Variants in CLEC9A observed in about 807,000 individuals in gnomAD.
The protein encoded by CLEC9A is C-type lectin domain family 9 member A.
A neutral mutation model predicts 30.0 loss-of-function variants in CLEC9A; 24 were observed. The observed-to-expected ratio is 0.80, with a 90% confidence interval of 0.58 to 1.13. The LOEUF (loss-of-function observed/expected upper bound fraction) is 1.13. Ranked by LOEUF, CLEC9A falls within the 50% of genes most tolerant of loss-of-function variation. The pLI is 0.00. For synonymous variants in CLEC9A, 111 were observed against 96.8 expected (o/e 1.15, Z -0.86); for missense variants, 251 against 280.9 (o/e 0.89, Z 0.76).
chr12:10,031,839 C>G (rs1865699750), intron 1 of CLEC9A, among the ~76,000 whole-genome samples: 1 of 151,966 alleles, frequency 6.6e-6, no homozygotes, highest in South Asian at 2.1e-4. Flanking sequence ...GTGAGCCGCC[C>G]GATGCTGTCA....
At chr12:10,053,178 A>C (rs1463046662) in intron 4 of CLEC9A, among the ~76,000 whole-genome samples, 1 of 152,342 alleles carries the variant, frequency 6.6e-6, no homozygotes, top group East Asian at 1.9e-4. Context: ...GTTGTTGGCT[A>C]TAGTGATTAG....
chr12:10,043,236 G>T, intron 2 of CLEC9A: 2 of 362,442 alleles, frequency 5.5e-6, no homozygotes, highest in Non-Finnish European at 1.1e-5. Flanking sequence ...AGCCAGGACT[G>T]GTTTAATTCA....
At position 10,054,140 on chromosome 12, in the gene CLEC9A, C is replaced by G; in HGVS notation, c.92-131C>G. ...TCTTTTTCCTTTTCTTTTACACATC[C>G]CAGGCCCCAACAACTCTCAGTAGAA... On this transcript the variant is annotated intron_variant, in intron 4 of 8. Coordinates refer to ENST00000355819, the MANE Select transcript of CLEC9A (RefSeq NM_207345.4). 1.2e-5 allele frequency: 9 copies of G among 726,434 alleles called. No individual in the cohort carries two copies. The South Asian group carries it at 1.5e-4, about 12-fold the overall frequency. 45.0% of individuals were successfully genotyped at this position (726,434 alleles called of 1,614,324 possible). A position where few individuals can be genotyped will look rare whatever the true frequency, so the allele number is the denominator to read the frequency against.
At chr12:10,038,325 A>G (rs563015892) in intron 1 of CLEC9A, among the ~76,000 whole-genome samples, 9 of 152,304 alleles carry the variant, frequency 5.9e-5, no homozygotes, top group South Asian at 4.1e-4. Flanking sequence ...AATAATTTGA[A>G]GAGTGTAGAG....
intron 2 of CLEC9A, among the ~76,000 whole-genome samples, chr12:10,049,538 T>C (rs1865875314): frequency 6.6e-6 from 1 of 152,262 alleles, no homozygotes; most frequent in Non-Finnish European, 1.5e-5. Flanking sequence ...CTGGATAACA[T>C]TCTCCAGTTT....
intron 5 of CLEC9A, among the ~76,000 whole-genome samples, chr12:10,057,589 A>G (rs1865954168): frequency 1.3e-5 from 2 of 151,920 alleles, no homozygotes; most frequent in Admixed American, 1.3e-4. Context: ...TGTTTTGGGA[A>G]TATGGTTATG....
intron 5 of CLEC9A, among the ~76,000 whole-genome samples, chr12:10,055,992 G>T (rs1228131878): frequency 7.1e-6 from 1 of 141,608 alleles, no homozygotes; most frequent in African/African-American, 2.6e-5. Flanking sequence ...CAGGGAGGTG[G>T]AGGTTGCAGT....
chr12:10,032,454 A>G (rs533788118), intron 1 of CLEC9A, among the ~76,000 whole-genome samples: 1 of 141,094 alleles, frequency 7.1e-6, no homozygotes, highest in Non-Finnish European at 1.5e-5. Flanking sequence ...GCAGTGGCGC[A>G]ATCTCGGCTC....
chr12:10,032,192 G>T lies in CLEC9A; in HGVS notation c.-318+1220G>T, dbSNP rs1374951679. Among the ~76,000 whole-genome samples, 4 of 152,274 alleles carry T rather than the reference G, an allele frequency of 2.6e-5. No individual in the cohort carries two copies. The East Asian group carries it at 7.7e-4, about 29-fold the overall frequency. ...CATAGCCACTTTGGAAGGCAGTGTG[G>T]CAGTTTCTTACAGAGCTAAGTATAA... is the stretch of plus-strand genomic sequence containing the variant. On this transcript the variant is annotated intron_variant, in intron 1 of 8. Transcript: ENST00000355819.
intron 5 of CLEC9A, chr12:10,060,805 C>A: frequency 4.2e-6 from 1 of 240,244 alleles, no homozygotes; most frequent in Admixed American, 6.2e-5. Context: ...TATTCATTTG[C>A]CTTCATTTGT....
chr12:10,038,531 T>G lies in CLEC9A; in HGVS notation c.-317-2935T>G, dbSNP rs564067060. On this transcript the variant is annotated intron_variant, in intron 1 of 8. Transcript: ENST00000355819. Reference sequence around the variant, plus strand: ...CTGCTAATTAGAGAAAAAAAAGAAATCAGGTCATTTATAAAGTAAAAGACT... The same window carrying G: ...CTGCTAATTAGAGAAAAAAAAGAAAGCAGGTCATTTATAAAGTAAAAGACT... Among the ~76,000 whole-genome samples, 111 of 152,222 alleles carry G rather than the reference T, an allele frequency of 7.3e-4. 1 individual carries two copies. Among genetic ancestry groups the G allele is most frequent in the Middle Eastern group, 3.4e-3 (1 of 294 alleles).
chr12:10,031,758 C>A (rs1019515231), intron 1 of CLEC9A, among the ~76,000 whole-genome samples: 1 of 152,016 alleles, frequency 6.6e-6, no homozygotes, highest in Non-Finnish European at 1.5e-5. Context: ...GTAGAAGAAA[C>A]AGCATATAAT....
At chr12:10,045,880 C>A (rs1865841739) in intron 2 of CLEC9A, among the ~76,000 whole-genome samples, 1 of 152,104 alleles carries the variant, frequency 6.6e-6, no homozygotes, top group African/African-American at 2.4e-5. Context: ...TGTCTAATTT[C>A]TAATTACCTG....
chr12:10,046,305 G>A (rs1942400908), intron 2 of CLEC9A, among the ~76,000 whole-genome samples: 1 of 152,012 alleles, frequency 6.6e-6, no homozygotes, highest in Non-Finnish European at 1.5e-5. Context: ...CTGGCTTACA[G>A]GAAACAGAGA....
At chr12:10,031,524 G>A (rs1019254769) in intron 1 of CLEC9A, among the ~76,000 whole-genome samples, 1 of 152,180 alleles carries the variant, frequency 6.6e-6, no homozygotes, top group Admixed American at 6.5e-5. Flanking sequence ...ATTGTCTGGT[G>A]CTACTGATTG....
Position 10,063,108 on chromosome 12 carries a change from T to C in CLEC9A, c.373T>C (p.Tyr125His). ...NNWIQNRESC[Y>H]YVSEIWSIWH... ...TTGGATTCAGAACAGAGAAAGTTGTTACTATGTCTCTGAAATTTGGAGCAT... is the reference window on the plus strand; with the variant it reads ...TTGGATTCAGAACAGAGAAAGTTGTCACTATGTCTCTGAAATTTGGAGCAT... Residue 125 changes from tyrosine (Y) to histidine (H), a missense_variant, in exon 7 of 9, where the codon TAC (tyrosine) becomes CAC (histidine). Tyr to His is a moderately conservative substitution (Grantham distance 83). Transcript: ENST00000355819. 1 of 1,612,496 alleles carries C rather than the reference T, an allele frequency of 6.2e-7. No individual in the cohort carries two copies. Among genetic ancestry groups the C allele is most frequent in the East Asian group, 2.2e-5 (1 of 44,702 alleles).
chr12:10,049,394 T>A (rs1865874549), intron 2 of CLEC9A, among the ~76,000 whole-genome samples: 1 of 152,214 alleles, frequency 6.6e-6, no homozygotes, highest in African/African-American at 2.4e-5. Flanking sequence ...CTTTGAAGCT[T>A]TCAAGCCTGC....
chr12:10,032,013 C>T (rs1865701860), intron 1 of CLEC9A, among the ~76,000 whole-genome samples: 1 of 152,072 alleles, frequency 6.6e-6, no homozygotes, highest in South Asian at 2.1e-4. Context: ...TGCTCAATGT[C>T]ATACCTTAGG....
chr12:10,031,549 G>A (rs1279200457), intron 1 of CLEC9A, among the ~76,000 whole-genome samples: 2 of 152,150 alleles, frequency 1.3e-5, no homozygotes, highest in African/African-American at 4.8e-5. Flanking sequence ...AATGGTCTTC[G>A]ATATTGTGTC....
Sources: gnomAD v4.1 joint callset for allele counts (sites outside exome capture counted in the v4.1 genomes callset) on GRCh38, gnomAD v4.1.1 for gene constraint, MANE v1.5 for transcripts, NCBI Gene and HGNC (gene_info 2026-07-23, HGNC 2026-07-21) for gene names.